The following ATF2 variants were observed in gnomAD, a reference collection of about 807,000 sequenced individuals.
ATF2 encodes the protein activating transcription factor 2.
ATF2 carries 24 observed loss-of-function variants against 60.6 expected under a neutral mutation model. The observed-to-expected ratio is 0.40, with a 90% CI of 0.29 to 0.56. ATF2 has a LOEUF of 0.56. Ranked by LOEUF, ATF2 falls within the 20% of genes least tolerant of loss-of-function variation. The pLI is 0.54. For missense variants in ATF2, 433 were observed against 607.7 expected (o/e 0.71, Z 3.02); for synonymous variants, 206 against 215.4 (o/e 0.96, Z 0.38).
chr2:175,107,651 A>C (rs1390290417), intron 10 of ATF2, among the ~76,000 whole-genome samples: 2 of 152,024 alleles, frequency 1.3e-5, no homozygotes, highest in African/African-American at 4.8e-5. Context: ...ATCTCTGCTC[A>C]CTGCAACCTC....
At chr2:175,090,614 T>C (rs1429195415) in intron 12 of ATF2, among the ~76,000 whole-genome samples, 3 of 152,108 alleles carry the variant, frequency 2.0e-5, no homozygotes, top group Admixed American at 1.3e-4. Context: ...CACCCAGCTT[T>C]TAATGGTCAA....
chr2:175,108,704 T>C (rs958346030), intron 10 of ATF2, among the ~76,000 whole-genome samples: 3 of 152,182 alleles, frequency 2.0e-5, no homozygotes, highest in African/African-American at 4.8e-5. Context: ...GAACGGGCCA[T>C]GATGACGATG....
intron 13 of ATF2, among the ~76,000 whole-genome samples, chr2:175,078,008 C>T (rs1314455105): frequency 1.3e-5 from 2 of 152,196 alleles, no homozygotes; most frequent in East Asian, 1.9e-4. Flanking sequence ...CTCCCTGTCG[C>T]CCAGGCTGGA....
At position 175,110,959 on chromosome 2, in the gene ATF2, C is replaced by T. The variant is rs79710563; in HGVS notation, c.828+609G>A. ...AGATCTTCTACTAAGAAAATTAGAA[C>T]GTTTATAGGATTTAGGGTTAAGAAG... On this transcript the variant is annotated intron_variant, in intron 10 of 13. Coordinates refer to ENST00000264110, the MANE Select transcript of ATF2 (RefSeq NM_001880.4). Among the ~76,000 whole-genome samples the T allele has an allele frequency of 5.3e-5, 8 of 152,072 alleles. No individual in the cohort carries two copies. In the East Asian group the frequency reaches 1.2e-3, roughly 22 times the overall value.
chr2:175,146,693 T>C (rs1187349696), intron 2 of ATF2, among the ~76,000 whole-genome samples: 2 of 152,216 alleles, frequency 1.3e-5, no homozygotes, highest in Non-Finnish European at 1.5e-5. Flanking sequence ...CTGTTTTAAA[T>C]AGAGTGATGA....
intron 1 of ATF2, among the ~76,000 whole-genome samples, chr2:175,156,531 A>G (rs1699700078): frequency 6.6e-6 from 1 of 152,136 alleles, no homozygotes; most frequent in Non-Finnish European, 1.5e-5. Flanking sequence ...CAGACAGGTT[A>G]GAAGCACGAG....
intron 11 of ATF2, among the ~76,000 whole-genome samples, chr2:175,094,301 C>A (rs765885741): frequency 6.8e-6 from 1 of 146,830 alleles, no homozygotes; most frequent in East Asian, 2.1e-4. Flanking sequence ...GGCTGAGGCA[C>A]GAGAATCACT....
chr2:175,150,415 G>A (rs935617110), intron 2 of ATF2, among the ~76,000 whole-genome samples: 1 of 151,968 alleles, frequency 6.6e-6, no homozygotes, highest in African/African-American at 2.4e-5. Flanking sequence ...TCCATATTTA[G>A]AAGCTACATC....
intron 12 of ATF2, among the ~76,000 whole-genome samples, chr2:175,083,087 AT>A (rs1166641541): frequency 6.6e-6 from 1 of 151,922 alleles, no homozygotes; most frequent in African/African-American, 2.4e-5. Context: ...TAATTTATAG[AT>A]TCAATGCCAT....
chr2:175,155,745 G>A (rs906262510), intron 1 of ATF2, among the ~76,000 whole-genome samples: 5 of 152,232 alleles, frequency 3.3e-5, no homozygotes, highest in South Asian at 2.1e-4. Context: ...AAAAAGGGAC[G>A]CTGAAAACTT....
intron 4 of ATF2, among the ~76,000 whole-genome samples, chr2:175,122,772 T>C (rs1697059534): frequency 7.2e-6 from 1 of 138,024 alleles, no homozygotes; most frequent in East Asian, 2.0e-4. Context: ...ACTTAGCATA[T>C]AGTTAAGTAC....
At chr2:175,166,311 C>G (rs1415729264) in intron 1 of ATF2, among the ~76,000 whole-genome samples, 1 of 152,208 alleles carries the variant, frequency 6.6e-6, no homozygotes, top group Non-Finnish European at 1.5e-5. Flanking sequence ...AGGCAACATA[C>G]ACATCATGGT....
chr2:175,081,452 T>C (rs1472894098), intron 12 of ATF2, among the ~76,000 whole-genome samples: 1 of 152,164 alleles, frequency 6.6e-6, no homozygotes, highest in African/African-American at 2.4e-5. Context: ...ATTAATCTGG[T>C]AAAAAGTTCC....
At chr2:175,120,298 CAA>C (rs1198646844) in intron 5 of ATF2, among the ~76,000 whole-genome samples, 4 of 134,190 alleles carry the variant, frequency 3.0e-5, no homozygotes, top group Admixed American at 7.5e-5. Flanking sequence ...TAAAATACTC[CAA>C]AAAAAAAAAA....
intron 1 of ATF2, among the ~76,000 whole-genome samples, chr2:175,162,837 T>G (rs1453202181): frequency 2.0e-5 from 3 of 152,154 alleles, no homozygotes; most frequent in Non-Finnish European, 4.4e-5. Flanking sequence ...CCGACACGTT[T>G]AATAAATAAA....
chr2:175,108,479 C>A (rs938492068), intron 10 of ATF2, among the ~76,000 whole-genome samples: 10 of 149,048 alleles, frequency 6.7e-5, no homozygotes, highest in African/African-American at 1.0e-4. Context: ...TCAGCCCCCG[C>A]CCGGCCAGCC....
intron 6 of ATF2, 25 bp downstream of exon 6, chr2:175,118,226 T>C (rs778261194): frequency 1.9e-6 from 3 of 1,594,528 alleles, no homozygotes; most frequent in East Asian, 4.5e-5. Context: ...AAGTACTCTT[T>C]TTAAATTTCA....
intron 12 of ATF2, among the ~76,000 whole-genome samples, chr2:175,088,125 A>G (rs1153685): frequency 0.21 from 31,435 of 152,102 alleles, 3,905 homozygotes; most frequent in African/African-American, 0.36. Flanking sequence ...GTTTGACGGA[A>G]AAACAAAGGC....
intron 13 of ATF2, among the ~76,000 whole-genome samples, chr2:175,078,210 AT>A: frequency 6.6e-6 from 1 of 152,178 alleles, no homozygotes; most frequent in Non-Finnish European, 1.5e-5. Flanking sequence ...GGTTCAAACA[AT>A]CTTCCCGCCT....
Sources: allele counts gnomAD v4.1 joint callset (sites outside exome capture counted in the v4.1 genomes callset), GRCh38; gene constraint gnomAD v4.1.1; transcripts MANE v1.5; gene names NCBI Gene and HGNC (gene_info 2026-07-23, HGNC 2026-07-21).